LRP6: variants seen among roughly 807,000 people sequenced by gnomAD.
LRP6 encodes LDL receptor related protein 6, also known as low-density lipoprotein receptor-related protein 6.
LRP6 carries 43 observed loss-of-function variants against 184.1 expected under a neutral mutation model. The observed-to-expected ratio is 0.23, with a 90% CI of 0.18 to 0.30. The LOEUF (loss-of-function observed/expected upper bound fraction) is 0.30. Ranked by LOEUF, LRP6 falls within the 10% of genes least tolerant of loss-of-function variation. LRP6 has a pLI of 1.00. For synonymous variants in LRP6, 719 were observed against 684.9 expected, an observed-to-expected ratio of 1.05 and a Z score of -0.78; for missense variants, 1,571 against 2,005.3, an observed-to-expected ratio of 0.78 and a Z score of 4.14.
intron 2 of LRP6, among the ~76,000 whole-genome samples, chr12:12,218,448 G>C (rs1458049255): frequency 6.7e-6 from 1 of 150,150 alleles, no homozygotes; most frequent in Admixed American, 6.7e-5. Flanking sequence ...CTACATTCCA[G>C]GCTGGGGAAC....
At chr12:12,152,567 G>A (rs984811327) in intron 12 of LRP6, among the ~76,000 whole-genome samples, 1 of 152,156 alleles carries the variant, frequency 6.6e-6, no homozygotes, top group African/African-American at 2.4e-5. Flanking sequence ...TTGCAGATGT[G>A]AGCCACCATG....
At chr12:12,166,212 C>T (rs1387512041) in intron 7 of LRP6, among the ~76,000 whole-genome samples, 1 of 152,128 alleles carries the variant, frequency 6.6e-6, no homozygotes, top group Non-Finnish European at 1.5e-5. Context: ...CTTTAAGTGA[C>T]AGAAATGGTC....
chr12:12,116,487 A>T lies in LRP6; in HGVS notation c.*4639T>A, dbSNP rs1949521062. Reference sequence around the variant, plus strand: ...AGACTTTAAAAATTTTCCCTTTAATACCCATATTTAGGCATTAGATATATA... The same window carrying T: ...AGACTTTAAAAATTTTCCCTTTAATTCCCATATTTAGGCATTAGATATATA... On this transcript the variant is annotated 3_prime_UTR_variant, in exon 23 of 23. Transcript: ENST00000261349. 6.6e-6 allele frequency: 1 copy of T among 152,178 alleles called. No homozygotes were observed. Among genetic ancestry groups the T allele is most frequent in the Admixed American group, 6.6e-5 (1 of 15,266 alleles). The allele number at this position is 152,178 out of a possible 1,614,324, so 9.4% of individuals were successfully genotyped here. A position where few individuals can be genotyped will look rare whatever the true frequency, so the allele number is the denominator to read the frequency against.
chr12:12,192,265 T>C (rs1418351602), intron 3 of LRP6, among the ~76,000 whole-genome samples: 3 of 151,622 alleles, frequency 2.0e-5, no homozygotes, highest in African/African-American at 7.3e-5. Flanking sequence ...CCTAAAATAA[T>C]TACCTTTAAA....
chr12:12,216,729 T>C (rs1432075205), intron 2 of LRP6, among the ~76,000 whole-genome samples: 2 of 151,478 alleles, frequency 1.3e-5, no homozygotes, highest in Admixed American at 1.3e-4. Context: ...TAACGGATAA[T>C]CCAAACAGCC....
At chr12:12,153,924 C>T (rs1950115603) in intron 12 of LRP6, among the ~76,000 whole-genome samples, 1 of 152,142 alleles carries the variant, frequency 6.6e-6, no homozygotes, top group Non-Finnish European at 1.5e-5. Context: ...ACTATAAGGC[C>T]AAGACCATCA....
At chr12:12,150,199 GTAAATCCA>G (rs1950063490) in intron 13 of LRP6, among the ~76,000 whole-genome samples, 1 of 152,098 alleles carries the variant, frequency 6.6e-6, no homozygotes, top group South Asian at 2.1e-4. Context: ...ATAGTGATGT[GTAAATCCA>G]TAATTGGCAT....
intron 2 of LRP6, among the ~76,000 whole-genome samples, chr12:12,222,117 AC>A (rs1864504655): frequency 6.6e-6 from 1 of 152,222 alleles, no homozygotes. Context: ...TGAAAAGTTC[AC>A]AAGTACTGCT....
At chr12:12,209,347 A>G (rs1454716865) in intron 2 of LRP6, among the ~76,000 whole-genome samples, 2 of 152,222 alleles carry the variant, frequency 1.3e-5, no homozygotes, top group Middle Eastern at 3.2e-3. Context: ...GTAATGAATA[A>G]AAGTATTTGC....
In LRP6 at chr12:12,116,091, T is replaced by C. The variant is rs1476868489; in HGVS notation, c.*5035A>G. On this transcript the variant is annotated 3_prime_UTR_variant, in exon 23 of 23. Coordinates refer to ENST00000261349, the MANE Select transcript of LRP6 (RefSeq NM_002336.3). ...TTGTTACAATTCAGCTTATTTATTG[T>C]AATAATCAAAAAAGGGGTTTATACA... 3 of 152,148 alleles carry C rather than the reference T, an allele frequency of 2.0e-5. No individual in the cohort carries two copies. The allele number at this position is 152,148 out of a possible 1,614,324, so 9.4% of individuals were successfully genotyped here. A position where few individuals can be genotyped will look rare whatever the true frequency, so the allele number is the denominator to read the frequency against.
intron 2 of LRP6, among the ~76,000 whole-genome samples, chr12:12,205,261 A>G (rs538806963): frequency 7.1e-6 from 1 of 141,206 alleles, no homozygotes; most frequent in Admixed American, 7.5e-5. Flanking sequence ...ATGTTGCCTC[A>G]GTGAGCTGAG....
intron 2 of LRP6, among the ~76,000 whole-genome samples, chr12:12,238,924 C>A (rs550692156): frequency 6.6e-6 from 1 of 151,808 alleles, no homozygotes; most frequent in African/African-American, 2.4e-5. Context: ...TAATTCAACT[C>A]GTAAAAAAAA....
intron 2 of LRP6, among the ~76,000 whole-genome samples, chr12:12,227,595 G>T (rs953322552): frequency 6.6e-6 from 1 of 152,018 alleles, no homozygotes; most frequent in Non-Finnish European, 1.5e-5. Flanking sequence ...TTTTGGTAGA[G>T]ACGGGGTTTC....
intron 3 of LRP6, 129 bp from the exon 4 acceptor site, chr12:12,187,248 A>T: frequency 1.3e-6 from 1 of 744,100 alleles, no homozygotes; most frequent in South Asian, 1.5e-5. Flanking sequence ...ACATACCAAT[A>T]GGTCAAATAC....
At chr12:12,223,729 A>T (rs1864546865) in intron 2 of LRP6, among the ~76,000 whole-genome samples, 1 of 152,222 alleles carries the variant, frequency 6.6e-6, no homozygotes, top group African/African-American at 2.4e-5. Context: ...AACTAACCTT[A>T]TTTAAAGTGT....
At chr12:12,240,977 C>T (rs1468878) in intron 2 of LRP6, among the ~76,000 whole-genome samples, 122,069 of 152,092 alleles carry the variant, frequency 0.8, 49,052 homozygotes, top group East Asian at 0.83. Flanking sequence ...TAGTCATTAT[C>T]ATAAGGAAAA....
chr12:12,235,288 T>C (rs887992785), intron 2 of LRP6, among the ~76,000 whole-genome samples: 2 of 152,160 alleles, frequency 1.3e-5, no homozygotes, highest in African/African-American at 2.4e-5. Context: ...AAGACTACAA[T>C]GATAATTTTG....
chr12:12,231,271 A>G (rs1565685016), intron 2 of LRP6, among the ~76,000 whole-genome samples: 3 of 151,624 alleles, frequency 2.0e-5, no homozygotes, highest in Non-Finnish European at 4.4e-5. Flanking sequence ...AAACTGAGAA[A>G]CTTCTGTTCC....
In LRP6 at chr12:12,118,548, CCCT is replaced by C. The variant is rs760835178; in HGVS notation, c.*2575_*2577del. 1 of 151,994 alleles carries C rather than the reference CCCT, an allele frequency of 6.6e-6. No individual in the cohort carries two copies. The highest frequency in any genetic ancestry group is 1.5e-5 in the Non-Finnish European group (1 of 68,002). The allele number at this position is 151,994 out of a possible 1,614,324, so 9.4% of individuals were successfully genotyped here. On this transcript the variant is annotated 3_prime_UTR_variant, in exon 23 of 23. Transcript: ENST00000261349. ...TTTAAAAATCCCTTTTCTTTTTTCC[CCCT>C]AATTTGTGATCTCATGCTTTTCCTC...
Sources: allele counts gnomAD v4.1 joint callset (sites outside exome capture counted in the v4.1 genomes callset), GRCh38; gene constraint gnomAD v4.1.1; transcripts MANE v1.5; gene names NCBI Gene and HGNC (gene_info 2026-07-23, HGNC 2026-07-21).